Variants in PRPF18 observed in about 807,000 individuals in gnomAD.
PRPF18 encodes the protein pre-mRNA processing factor 18, also known as pre-mRNA-splicing factor 18.
Under a neutral mutation model 46.5 loss-of-function variants are expected in PRPF18, and 38 were observed. The observed-to-expected ratio is 0.82, with a 90% CI of 0.63 to 1.07. The LOEUF (loss-of-function observed/expected upper bound fraction) is 1.07, where lower values mean the gene tolerates loss of function less well. Ranked by LOEUF, PRPF18 falls within the 50% of genes least tolerant of loss-of-function variation. PRPF18 has a pLI of 0.00. For missense variants in PRPF18, 263 were observed against 410.0 expected, an observed-to-expected ratio of 0.64 and a Z score of 3.10; for synonymous variants, 152 against 146.7, an observed-to-expected ratio of 1.04 and a Z score of -0.26.
intron 9 of PRPF18, among the ~76,000 whole-genome samples, chr10:13,625,772 C>T (rs2080494552): frequency 6.6e-6 from 1 of 152,222 alleles, no homozygotes; most frequent in Admixed American, 6.5e-5. Flanking sequence ...TGTCATACTT[C>T]TCACTGATAG....
chr10:13,590,441 C>T (rs866381850), intron 1 of PRPF18, among the ~76,000 whole-genome samples: 1 of 134,964 alleles, frequency 7.4e-6, no homozygotes, highest in East Asian at 2.2e-4. Context: ...ACTGAAAATA[C>T]AAAAAAAAAA....
At chr10:13,652,366 GTTGACAGCCAA>G in the PRPF18 span, 1 of 216,648 alleles carries the variant, frequency 4.6e-6, no homozygotes, top group South Asian at 9.0e-5. Context: ...TTCGGAGCCT[GTTGACAGCCAA>G]ATAATACAAT....
At chr10:13,620,566 A>T (rs1301546332) in intron 9 of PRPF18, among the ~76,000 whole-genome samples, 1 of 152,200 alleles carries the variant, frequency 6.6e-6, no homozygotes, top group South Asian at 2.1e-4. Context: ...AGGTTCCTTC[A>T]TGCCTGTTCC....
At chr10:13,620,553 A>G (rs1338284950) in intron 9 of PRPF18, among the ~76,000 whole-genome samples, 23 of 152,228 alleles carry the variant, frequency 1.5e-4, no homozygotes, top group Non-Finnish European at 5.9e-5. Context: ...GAACACTTCC[A>G]GCAGGTTCCT....
At chr10:13,618,866 C>T (rs773110619) in intron 9 of PRPF18, among the ~76,000 whole-genome samples, 8 of 152,012 alleles carry the variant, frequency 5.3e-5, no homozygotes, top group Non-Finnish European at 7.4e-5. Context: ...TCCTAGTCCT[C>T]GAGAAAGGAG....
intron 8 of PRPF18, among the ~76,000 whole-genome samples, chr10:13,615,397 A>T (rs1416577765): frequency 6.6e-6 from 1 of 152,222 alleles, no homozygotes; most frequent in Non-Finnish European, 1.5e-5. Flanking sequence ...ATCAGTTAAG[A>T]TCCAATGTTA....
chr10:13,646,659 G>T, the PRPF18 span: 1 of 152,794 alleles, frequency 6.5e-6, no homozygotes, highest in Admixed American at 6.5e-5. Flanking sequence ...TGGCCTAGGG[G>T]CTGTCATGGC....
chr10:13,606,330 A>G (rs2080184034), intron 4 of PRPF18, among the ~76,000 whole-genome samples: 1 of 152,168 alleles, frequency 6.6e-6, no homozygotes, highest in African/African-American at 2.4e-5. Flanking sequence ...TCAGCATATC[A>G]GTTTTTAGGT....
chr10:13,643,397 A>G, the PRPF18 span: 4 of 152,264 alleles, frequency 2.6e-5, no homozygotes, highest in African/African-American at 9.6e-5. Context: ...GCAAAGGCTG[A>G]GATAGTATCC....
the PRPF18 span, chr10:13,648,818 A>G: frequency 6.6e-6 from 1 of 152,150 alleles, no homozygotes; most frequent in Non-Finnish European, 1.5e-5. Context: ...TAACACAAAC[A>G]TGATCTGGGT....
intron 2 of PRPF18, among the ~76,000 whole-genome samples, chr10:13,599,305 A>G (rs966484001): frequency 3.3e-5 from 5 of 152,236 alleles, no homozygotes; most frequent in Admixed American, 6.5e-5. Context: ...TACGGTAAAC[A>G]TAAACTTGAA....
intron 3 of PRPF18, among the ~76,000 whole-genome samples, chr10:13,603,649 C>A (rs1459148447): frequency 2.6e-5 from 4 of 152,138 alleles, no homozygotes; most frequent in Admixed American, 6.5e-5. Flanking sequence ...GTAGTCTCTT[C>A]CTGTTCGACC....
chr10:13,588,235 C>T (rs367849677), intron 1 of PRPF18, among the ~76,000 whole-genome samples: 2 of 152,026 alleles, frequency 1.3e-5, no homozygotes, highest in Non-Finnish European at 2.9e-5. Context: ...GGTGAAACCC[C>T]GTCTCTACTA....
chr10:13,611,431 C>T lies in PRPF18; in HGVS notation c.511-184C>T, dbSNP rs2080267718. Among the ~76,000 whole-genome samples, 13 of 152,300 alleles carry T rather than the reference C, an allele frequency of 8.5e-5. No homozygotes were observed. In the South Asian group the frequency reaches 2.7e-3, roughly 32 times the overall value. Reference sequence around the variant, plus strand: ...TTTTCATAAAAGGTAACATGCTCTCCAAATTTAAGTGGCAAATCCGTGTTT... The same window carrying T: ...TTTTCATAAAAGGTAACATGCTCTCTAAATTTAAGTGGCAAATCCGTGTTT... On this transcript the variant is annotated intron_variant, in intron 5 of 9. Transcript: ENST00000378572.
At chr10:13,608,171 C>T (rs1461878911) in intron 4 of PRPF18, among the ~76,000 whole-genome samples, 4 of 152,178 alleles carry the variant, frequency 2.6e-5, no homozygotes, top group African/African-American at 9.7e-5. Context: ...TTGTTATTGT[C>T]TTAATAATTA....
downstream of PRPF18, among the ~76,000 whole-genome samples, chr10:13,633,184 C>T (rs2080605618): frequency 6.6e-6 from 1 of 152,162 alleles, no homozygotes; most frequent in Admixed American, 6.5e-5. Flanking sequence ...CAGTCCGAAT[C>T]TCGTAGGAGG....
At chr10:13,639,838 A>T in the PRPF18 span, 1 of 152,204 alleles carries the variant, frequency 6.6e-6, no homozygotes, top group Non-Finnish European at 1.5e-5. Context: ...CCAGGATTGG[A>T]CACGAGAGAC....
chr10:13,618,508 C>T (rs1417725333), intron 9 of PRPF18, among the ~76,000 whole-genome samples: 3 of 150,464 alleles, frequency 2.0e-5, no homozygotes, highest in Admixed American at 1.3e-4. Flanking sequence ...TGCCTGTAGT[C>T]CTAGCTACCG....
In PRPF18 at chr10:13,616,448, C is replaced by T; in HGVS notation, c.843C>T (p.Ile281=). 6 of 1,612,890 alleles carry T rather than the reference C, an allele frequency of 3.7e-6. No homozygotes were observed. Among genetic ancestry groups the T allele is most frequent in the Non-Finnish European group, 4.2e-6 (5 of 1,178,952 alleles). The change falls in exon 9 of 10, where the codon ATC becomes ATT. Residue 281 remains isoleucine, a synonymous_variant. Transcript: ENST00000378572. ...CCATTGGAAATGCGCCTTGGCCCAT[C>T]GGTGTCACTATGGTTGGTATCCATG... is the stretch of plus-strand genomic sequence containing the variant. ...QMAIGNAPWP[I]GVTMVGIHAR... is the part of the protein sequence containing the mutation.
Sources: allele counts gnomAD v4.1 joint callset (sites outside exome capture counted in the v4.1 genomes callset), GRCh38; gene constraint gnomAD v4.1.1; transcripts MANE v1.5; gene names NCBI Gene and HGNC (gene_info 2026-07-23, HGNC 2026-07-21).